The following UBE2K variants were observed in gnomAD, a reference collection of about 807,000 sequenced individuals.
The protein encoded by UBE2K is ubiquitin conjugating enzyme E2 K, also known as ubiquitin-conjugating enzyme E2 K.
UBE2K carries 6 observed loss-of-function variants against 30.0 expected under a neutral mutation model. The observed-to-expected ratio is 0.20, with a 90% CI of 0.11 to 0.39. The LOEUF is 0.39. UBE2K is among the 10% of genes least tolerant of loss of function. UBE2K has a pLI of 1.00. For synonymous variants in UBE2K, 86 were observed against 83.7 expected, an observed-to-expected ratio of 1.03 and a Z score of -0.15; for missense variants, 61 against 241.6, an observed-to-expected ratio of 0.25 and a Z score of 4.96.
intron 1 of UBE2K, among the ~76,000 whole-genome samples, chr4:39,711,811 G>A (rs1718705431): frequency 1.3e-5 from 2 of 151,712 alleles, no homozygotes; most frequent in Admixed American, 1.3e-4. Context: ...GCAAAGGCGG[G>A]CGGATCACCT....
chr4:39,728,818 GTTTT>G (rs150967559), intron 1 of UBE2K, among the ~76,000 whole-genome samples: 2 of 130,014 alleles, frequency 1.5e-5, no homozygotes, highest in South Asian at 2.4e-4. Flanking sequence ...GGTTTTTTTT[GTTTT>G]TTTTGTTTTT....
At chr4:39,742,688 CCG>C (rs1450539258) in intron 2 of UBE2K, among the ~76,000 whole-genome samples, 2 of 152,066 alleles carry the variant, frequency 1.3e-5, no homozygotes, top group African/African-American at 4.8e-5. Context: ...TTGCAGTCAG[CCG>C]AGATCGCACC....
chr4:39,761,697 T>C (rs951102834), intron 4 of UBE2K, among the ~76,000 whole-genome samples: 2 of 152,182 alleles, frequency 1.3e-5, no homozygotes, highest in Non-Finnish European at 2.9e-5. Flanking sequence ...CCTAAAGATA[T>C]CAGTACAATA....
chr4:39,772,397 C>CA (rs34937270), intron 4 of UBE2K, among the ~76,000 whole-genome samples: 58,354 of 126,806 alleles, frequency 0.46, 13,724 homozygotes, highest in Admixed American at 0.58. Flanking sequence ...CTGTCTCTAC[C>CA]AAAAAAAAAA....
chr4:39,777,501 G>A (rs1028871974), intron 5 of UBE2K, among the ~76,000 whole-genome samples, 181 bp from the exon 6 acceptor site: 1 of 152,174 alleles, frequency 6.6e-6, no homozygotes, highest in Non-Finnish European at 1.5e-5. Context: ...ATTGTGAGTC[G>A]AAGCTTCAGG....
chr4:39,764,794 G>C (rs1409568974), intron 4 of UBE2K, among the ~76,000 whole-genome samples: 1 of 152,076 alleles, frequency 6.6e-6, no homozygotes, highest in Non-Finnish European at 1.5e-5. Context: ...TCTAGAGTCT[G>C]TAGTAGATTG....
intron 2 of UBE2K, among the ~76,000 whole-genome samples, chr4:39,743,891 C>T (rs965882663): frequency 8.6e-5 from 13 of 152,020 alleles, no homozygotes; most frequent in African/African-American, 2.9e-4. Flanking sequence ...GAGATAGATT[C>T]TTGCTCTGTC....
At chr4:39,711,621 T>C (rs539327098) in intron 1 of UBE2K, among the ~76,000 whole-genome samples, 1 of 152,046 alleles carries the variant, frequency 6.6e-6, no homozygotes, top group Non-Finnish European at 1.5e-5. Flanking sequence ...TATAATTTTT[T>C]GGGGAACATG....
At chr4:39,739,567 C>G (rs978767621) in intron 2 of UBE2K, among the ~76,000 whole-genome samples, 1 of 150,948 alleles carries the variant, frequency 6.6e-6, no homozygotes, top group Non-Finnish European at 1.5e-5. Flanking sequence ...CTGCCTCAGC[C>G]TCCCGAGTAG....
Position 39,757,011 on chromosome 4 carries a change from G to GT in UBE2K, c.299+1278dup, listed in dbSNP as rs1354761879. On this transcript the variant is annotated intron_variant, in intron 4 of 6. Transcript: ENST00000261427. Reference sequence around the variant, plus strand: ...ATGTTTTTTTGGGTGTTTTTTTTTTGTTTTTTGTTTTTTGTTTTTTGTTTT... The same window carrying GT: ...ATGTTTTTTTGGGTGTTTTTTTTTTGTTTTTTTGTTTTTTGTTTTTTGTTTT... 5.3e-3 allele frequency among the ~76,000 whole-genome samples: 409 copies of GT among 76,718 alleles called. 30 individuals are homozygous for GT. Among genetic ancestry groups the GT allele is most frequent in the South Asian group, 0.011 (24 of 2,230 alleles). The allele number at this position is 76,718 out of a possible 152,430, so 50.3% of individuals were successfully genotyped here. A position where few individuals can be genotyped will look rare whatever the true frequency, so the allele number is the denominator to read the frequency against.
intron 1 of UBE2K, among the ~76,000 whole-genome samples, chr4:39,718,996 G>A (rs1444257691): frequency 2.0e-5 from 3 of 152,262 alleles, no homozygotes; most frequent in Non-Finnish European, 4.4e-5. Context: ...GGCCAGAATG[G>A]GCACTGAGGC....
intron 1 of UBE2K, 46 bp downstream of exon 1, chr4:39,698,436 G>C (rs778684031): frequency 1.5e-5 from 24 of 1,571,548 alleles, no homozygotes; most frequent in Admixed American, 1.8e-5. Context: ...CCTGGGGCGG[G>C]AGGGTCCTCC....
At chr4:39,733,459 A>T (rs747137613) in intron 1 of UBE2K, among the ~76,000 whole-genome samples, 11 of 150,896 alleles carry the variant, frequency 7.3e-5, no homozygotes, top group Non-Finnish European at 1.6e-4. Flanking sequence ...CAGTCTCCCG[A>T]GTAGCTGGGA....
At chr4:39,714,546 A>ATTTTTTTTTTTTTTTTTTT (rs879776892) in intron 1 of UBE2K, 4 of 25,280 alleles carry the variant, frequency 1.6e-4, no homozygotes, top group East Asian at 2.3e-3. Flanking sequence ...ATATATATAT[A>ATTTTTTTTTTTTTTTTTTT]TATATTTTTT....
At chr4:39,714,548 A>ATTTTTTTT (rs1168820129) in intron 1 of UBE2K, 20 of 24,670 alleles carry the variant, frequency 8.1e-4, no homozygotes, top group African/African-American at 3.1e-3. Flanking sequence ...ATATATATAT[A>ATTTTTTTT]TATTTTTTTT....
intron 2 of UBE2K, among the ~76,000 whole-genome samples, chr4:39,744,455 A>G (rs1036798495): frequency 6.6e-6 from 1 of 151,770 alleles, no homozygotes; most frequent in Non-Finnish European, 1.5e-5. Context: ...TACAGGCATG[A>G]GCCACCGCGC....
chr4:39,738,702 CTG>C, intron 2 of UBE2K, among the ~76,000 whole-genome samples: 1 of 152,250 alleles, frequency 6.6e-6, no homozygotes, highest in Middle Eastern at 3.4e-3. Flanking sequence ...TTTTTTGAGA[CTG>C]AGTCTCTCTG....
In UBE2K at chr4:39,744,202, C is replaced by T. The variant is rs147332911; in HGVS notation, c.158-1550C>T. Among the ~76,000 whole-genome samples the T allele has an allele frequency of 6.6e-5, 10 of 151,624 alleles. No homozygotes were observed. The East Asian group carries it at 1.8e-3, about 27-fold the overall frequency. On this transcript the variant is annotated intron_variant, in intron 2 of 6. Transcript: ENST00000261427. The stretch of plus-strand genomic sequence containing the variant: ...AGGCAGTTATCCTTTCCTTGAGTAC[C>T]CCAGTTGTGAGAAGCTAGATTGTGA...
chr4:39,733,048 C>T (rs1349566176), intron 1 of UBE2K, among the ~76,000 whole-genome samples: 1 of 49,344 alleles, frequency 2.0e-5, no homozygotes, highest in Non-Finnish European at 3.5e-5. Flanking sequence ...CAGGGAACAT[C>T]AGGAAAAAAA....
Sources: allele counts gnomAD v4.1 joint callset (sites outside exome capture counted in the v4.1 genomes callset), GRCh38; gene constraint gnomAD v4.1.1; transcripts MANE v1.5; gene names NCBI Gene and HGNC (gene_info 2026-07-23, HGNC 2026-07-21).